DNAH9: variants seen among roughly 807,000 people sequenced by gnomAD.
The protein encoded by DNAH9 is dynein axonemal heavy chain 9, also known as DNAH9 variant protein.
A neutral mutation model predicts 471.6 loss-of-function variants in DNAH9; 345 were observed. The ratio of observed to expected loss-of-function variants is 0.73; its 90% confidence interval spans 0.67 to 0.80. The LOEUF is 0.80. DNAH9 is among the 30% of genes least tolerant of loss of function. The pLI, the probability that DNAH9 is intolerant of heterozygous loss-of-function variation, is 0.00. For synonymous variants in DNAH9, 2,093 were observed against 2,123.6 expected (o/e 0.99, Z 0.40); for missense variants, 5,407 against 5,609.2 (o/e 0.96, Z 1.15).
At chr17:11,829,065 C>G (rs183041236) in intron 48 of DNAH9, among the ~76,000 whole-genome samples, 1 of 152,094 alleles carries the variant, frequency 6.6e-6, no homozygotes, top group Admixed American at 6.6e-5. Context: ...GGGTAATTCT[C>G]GGCAATACTG....
intron 43 of DNAH9, 29 bp downstream of exon 43, chr17:11,797,822 T>TG: frequency 2.5e-6 from 4 of 1,595,262 alleles, no homozygotes; most frequent in Non-Finnish European, 2.6e-6. Flanking sequence ...TTCCTTTTCC[T>TG]CAGTTGCTTC....
chr17:11,740,964 C>T (rs1282770418), intron 29 of DNAH9, among the ~76,000 whole-genome samples: 2 of 120,260 alleles, frequency 1.7e-5, no homozygotes, highest in African/African-American at 6.0e-5. Context: ...TAGTATCCTA[C>T]TTTCATTAAC....
At chr17:11,924,494 AAG>A (rs569847692) in intron 62 of DNAH9, among the ~76,000 whole-genome samples, 141 of 152,260 alleles carry the variant, frequency 9.3e-4, no homozygotes, top group Middle Eastern at 3.4e-3. Flanking sequence ...TCTATCAGAA[AAG>A]AGAGTTAAAT....
intron 45 of DNAH9, 38 bp downstream of exon 45, chr17:11,810,407 C>G: frequency 1.3e-6 from 2 of 1,597,286 alleles, no homozygotes; most frequent in Non-Finnish European, 1.7e-6. Flanking sequence ...CTGATAAATT[C>G]CCCCTGGAAT....
chr17:11,864,970 T>G (rs1450818459), intron 50 of DNAH9, among the ~76,000 whole-genome samples: 7 of 152,346 alleles, frequency 4.6e-5, no homozygotes, highest in African/African-American at 1.7e-4. Flanking sequence ...TCTTGACTCT[T>G]TATCCAATTT....
chr17:11,810,488 T>G, intron 45 of DNAH9, 119 bp downstream of exon 45: 1 of 1,324,924 alleles, frequency 7.5e-7, no homozygotes, highest in Non-Finnish European at 1.0e-6. Flanking sequence ...GGAAGAAAAC[T>G]GACACAGCCA....
In DNAH9 at chr17:11,783,635, G is replaced by A. The variant is rs199692379; in HGVS notation, c.7719-11G>A. The A allele has an allele frequency of 1.6e-5, 26 of 1,610,640 alleles. No individual in the cohort carries two copies. In the East Asian group the frequency reaches 4.5e-4, roughly 28 times the overall value. ...CAGACACCTTTCACCTAGAGCTTCT[G>A]ACTGTTCCAGGTATGATCGGAGCAA... On this transcript the variant is annotated splice_polypyrimidine_tract_variant and intron_variant, in intron 39 of 68. Transcript: ENST00000262442.
At chr17:11,765,645 C>T (rs1457021746) in intron 36 of DNAH9, among the ~76,000 whole-genome samples, 1 of 152,162 alleles carries the variant, frequency 6.6e-6, no homozygotes, top group Non-Finnish European at 1.5e-5. Flanking sequence ...CAGGAGGATA[C>T]ATGAGCCAGG....
intron 26 of DNAH9, among the ~76,000 whole-genome samples, chr17:11,718,798 G>A (rs1398516397): frequency 6.6e-6 from 1 of 152,222 alleles, no homozygotes; most frequent in African/African-American, 2.4e-5. Flanking sequence ...GGAAGTTCAA[G>A]TGGAGTACTA....
At position 11,854,075 on chromosome 17, in the gene DNAH9, G is replaced by T. The variant is rs138539227; in HGVS notation, c.9580G>T (p.Val3194Leu). The change falls in exon 50 of 69, where the codon GTA becomes TTA. Residue 3194 changes from valine (V) to leucine (L), a missense_variant. Transcript: ENST00000262442. Reference protein sequence around the residue: ...AVSNVSAAVMVLMAPRGRVPK... With the variant: ...AVSNVSAAVMLLMAPRGRVPK... ...CAGCAATGTCAGCGCTGCGGTGATG[G>T]TACTGATGGCTCCCAGGGGTAGGGT... is the stretch of plus-strand genomic sequence containing the variant. 1.3e-4 allele frequency: 203 copies of T among 1,614,038 alleles called. No homozygotes were observed. The highest frequency in any genetic ancestry group is 1.6e-4 in the Non-Finnish European group (192 of 1,180,040).
chr17:11,905,771 C>T lies in DNAH9; in HGVS notation c.11711C>T (p.Ser3904Phe), dbSNP rs1312138054. Residue 3904 changes from serine (S) to phenylalanine (F), a missense_variant, in exon 61 of 69, where the codon TCT (serine) becomes TTT (phenylalanine). Coordinates refer to ENST00000262442, the MANE Select transcript of DNAH9 (RefSeq NM_001372.4). ...GPATPMFFIL[S>F]PGVDPLKDVE... ...GCCACTCCTATGTTTTTCATCCTGT[C>T]TCCAGGGGTGGACCCACTGAAGGAT... 6 of 1,613,964 alleles carry T rather than the reference C, an allele frequency of 3.7e-6. No homozygotes were observed. The highest frequency in any genetic ancestry group is 4.2e-6 in the Non-Finnish European group (5 of 1,179,914).
intron 67 of DNAH9, among the ~76,000 whole-genome samples, chr17:11,948,920 T>C (rs565588961): frequency 1.1e-4 from 16 of 152,276 alleles, no homozygotes; most frequent in Admixed American, 3.3e-4. Flanking sequence ...CCCCTGGCCC[T>C]CTGTGGACTG....
At chr17:11,835,489 A>G (rs894000404) in intron 49 of DNAH9, among the ~76,000 whole-genome samples, 1 of 152,206 alleles carries the variant, frequency 6.6e-6, no homozygotes, top group Non-Finnish European at 1.5e-5. Context: ...TTACTCTGGA[A>G]GGAAGGTGGG....
chr17:11,659,593 G>T (rs1242139577), intron 14 of DNAH9, among the ~76,000 whole-genome samples: 1 of 152,208 alleles, frequency 6.6e-6, no homozygotes, highest in African/African-American at 2.4e-5. Context: ...TAAATTCATT[G>T]TATCTTGAAT....
chr17:11,856,325 A>G (rs1264656311), intron 50 of DNAH9, among the ~76,000 whole-genome samples: 1 of 152,168 alleles, frequency 6.6e-6, no homozygotes, highest in Non-Finnish European at 1.5e-5. Context: ...GCCACGTGAC[A>G]TGGGTTTATT....
chr17:11,880,000 AC>A, intron 53 of DNAH9, 77 bp from the exon 54 acceptor site: 1 of 1,550,478 alleles, frequency 6.4e-7, no homozygotes. Context: ...CTTAGAGGTC[AC>A]GCTTGTCTCA....
rs555395554 is a variant in DNAH9, at chr17:11,826,778, T to C, written c.9246+3744T>C. 1.8e-3 allele frequency among the ~76,000 whole-genome samples: 267 copies of C among 150,756 alleles called. 1 individual carries two copies. The highest frequency in any genetic ancestry group is 6.4e-3 in the African/African-American group (262 of 41,102). On this transcript the variant is annotated intron_variant, in intron 48 of 68. Transcript: ENST00000262442. Reference sequence around the variant, plus strand: ...CGCCCAGCCAGTTCTGTATGTTTTCTAAATATCTCTCAATTCTGTCCTCTT... The same window carrying C: ...CGCCCAGCCAGTTCTGTATGTTTTCCAAATATCTCTCAATTCTGTCCTCTT...
At position 11,915,098 on chromosome 17, in the gene DNAH9, T is replaced by C. The variant is rs565557242; in HGVS notation, c.11750-8716T>C. Among the ~76,000 whole-genome samples, 12 of 152,304 alleles carry C rather than the reference T, an allele frequency of 7.9e-5. No homozygotes were observed. In the South Asian group the frequency reaches 2.3e-3, roughly 29 times the overall value. ...ATCCTAGTCTGAATCACCATAGTCT[T>C]TCACCTGGCTTATTACACTAGCCTC... On this transcript the variant is annotated intron_variant, in intron 61 of 68. Coordinates refer to ENST00000262442, the MANE Select transcript of DNAH9 (RefSeq NM_001372.4).
chr17:11,709,365 A>G (rs1413009010), intron 26 of DNAH9, among the ~76,000 whole-genome samples: 2 of 152,138 alleles, frequency 1.3e-5, no homozygotes, highest in Non-Finnish European at 2.9e-5. Context: ...TTTCTCATTG[A>G]CTTCCATTAT....
Sources: gnomAD v4.1 joint callset for allele counts (sites outside exome capture counted in the v4.1 genomes callset) on GRCh38, gnomAD v4.1.1 for gene constraint, MANE v1.5 for transcripts, NCBI Gene and HGNC (gene_info 2026-07-23, HGNC 2026-07-21) for gene names.